The following TET3 variants were observed in gnomAD, a reference collection of about 807,000 sequenced individuals.
TET3 encodes the protein tet methylcytosine dioxygenase 3.
A neutral mutation model predicts 141.4 loss-of-function variants in TET3; 19 were observed. The ratio of observed to expected loss-of-function variants is 0.13; its 90% confidence interval spans 0.09 to 0.20. The LOEUF is 0.20. TET3 is among the 10% of genes least tolerant of loss of function. The pLI, the probability that TET3 is intolerant of heterozygous loss-of-function variation, is 1.00. For missense variants in TET3, 1,874 were observed against 2,356.9 expected, an observed-to-expected ratio of 0.80 and a Z score of 4.24; for synonymous variants, 1,043 against 980.9, an observed-to-expected ratio of 1.06 and a Z score of -1.18.
chr2:74,043,327 A>G (rs72907129), intron 3 of TET3, among the ~76,000 whole-genome samples: 3,413 of 152,288 alleles, frequency 0.022, 138 homozygotes, highest in African/African-American at 0.078. Context: ...GATATATTCC[A>G]TGGCCTGTGG....
At chr2:74,077,035 G>T (rs1689550517) in intron 5 of TET3, among the ~76,000 whole-genome samples, 1 of 152,230 alleles carries the variant, frequency 6.6e-6, no homozygotes, top group Non-Finnish European at 1.5e-5. Flanking sequence ...TGAGACCGGT[G>T]CACAGCACAG....
chr2:74,068,546 CAA>C (rs1026399356), intron 4 of TET3, among the ~76,000 whole-genome samples: 1 of 152,176 alleles, frequency 6.6e-6, no homozygotes, highest in African/African-American at 2.4e-5. Flanking sequence ...CCATTACAAA[CAA>C]TGATATAATG....
chr2:73,984,769 C>G (rs1683909355), upstream of TET3, among the ~76,000 whole-genome samples: 1 of 149,672 alleles, frequency 6.7e-6, no homozygotes, highest in African/African-American at 2.4e-5. This position sits in a 1 kb window ranked among gnomAD's most constrained non-coding sequence, Gnocchi z 5.6. Flanking sequence ...CACCCGACCC[C>G]TCCCCTCCGC....
rs1256866508 is a variant in TET3, at chr2:73,986,337, C to G, written c.-67C>G. 1.6e-6 allele frequency: 2 copies of G among 1,222,942 alleles called. No homozygotes were observed. The highest frequency in any genetic ancestry group is 2.0e-6 in the Non-Finnish European group (2 of 980,208). The allele number at this position is 1,222,942 out of a possible 1,614,324, so 75.8% of individuals were successfully genotyped here. On this transcript the variant is annotated 5_prime_UTR_variant, in exon 2 of 12. Transcript: ENST00000409262. ...TAGGCGAGAAGGACCTGTTGGTGGC[C>G]TTTGGAGGTGGCAGGAAACGACTGT... is the stretch of plus-strand genomic sequence containing the variant.
At chr2:74,023,147 A>G (rs1421072637) in intron 3 of TET3, among the ~76,000 whole-genome samples, 1 of 152,194 alleles carries the variant, frequency 6.6e-6, no homozygotes, top group Non-Finnish European at 1.5e-5. Context: ...TTGAGTAGCA[A>G]GGGGCCAGGA....
At chr2:73,985,187 G>A (rs981978459) in intron 1 of TET3, 30 bp downstream of exon 1, 57 of 145,730 alleles carry the variant, frequency 3.9e-4, no homozygotes, top group African/African-American at 1.3e-3. Context: ...TTCCGGCTCC[G>A]GAGTGGGGGA....
At chr2:74,025,628 T>C (rs1455920522) in intron 3 of TET3, among the ~76,000 whole-genome samples, 4 of 152,156 alleles carry the variant, frequency 2.6e-5, no homozygotes, top group African/African-American at 9.6e-5. Context: ...AATCAGGAAG[T>C]TAATGTGGAT....
At chr2:74,131,650 C>CGGCA in the TET3 span, among the ~76,000 whole-genome samples, 1 of 152,150 alleles carries the variant, frequency 6.6e-6, no homozygotes, top group African/African-American at 2.4e-5. Flanking sequence ...CCCAGTCAGC[C>CGGCA]GGCACCTCAG....
chr2:74,017,215 G>A (rs1180300689), intron 3 of TET3, among the ~76,000 whole-genome samples: 1 of 152,178 alleles, frequency 6.6e-6, no homozygotes, highest in Non-Finnish European at 1.5e-5. Context: ...CTTGAGCTTA[G>A]GAGTTTGAGG....
At chr2:74,017,406 C>T (rs1685787171) in intron 3 of TET3, among the ~76,000 whole-genome samples, 1 of 152,190 alleles carries the variant, frequency 6.6e-6, no homozygotes, top group African/African-American at 2.4e-5. Context: ...CCTGCCCTCC[C>T]CAGCCTCTGA....
Position 74,102,167 on chromosome 2 carries a change from C to T in TET3, c.5379C>T (p.Arg1793=), listed in dbSNP as rs1691261320. The T allele has an allele frequency of 5.5e-6, 8 of 1,444,478 alleles. No homozygotes were observed. Among genetic ancestry groups the T allele is most frequent in the Non-Finnish European group, 7.3e-6 (8 of 1,096,630 alleles). 89.5% of individuals were successfully genotyped at this position (1,444,478 alleles called of 1,614,324 possible). A position where few individuals can be genotyped will look rare whatever the true frequency, so the allele number is the denominator to read the frequency against. ...CGAAGGTCACTGGCCCCTACAGCCGCTGGATCTAGGTGCCAGGGAGCCAGC... is the reference window on the plus strand; with the variant it reads ...CGAAGGTCACTGGCCCCTACAGCCGTTGGATCTAGGTGCCAGGGAGCCAGC... ...AYTKVTGPYS[R]WI The change falls in exon 12 of 12, where the codon CGC becomes CGT. Residue 1793 remains arginine (R), a synonymous_variant. Coordinates refer to ENST00000409262, the MANE Select transcript of TET3 (RefSeq NM_001287491.2).
chr2:74,039,883 A>G (rs150780137), intron 3 of TET3, among the ~76,000 whole-genome samples: 29 of 152,330 alleles, frequency 1.9e-4, no homozygotes, highest in Non-Finnish European at 3.4e-4. Flanking sequence ...AGAACCAGGC[A>G]GAAGCTGAAT....
Position 74,100,902 on chromosome 2 carries a change from G to C in TET3, c.4114G>C (p.Ala1372Pro). ...CCCCAAGGAGTATCTGCTTCCCAAG[G>C]CCCCCCTACTCCACTCAGTGTCCAG... is the stretch of plus-strand genomic sequence containing the variant. ...PGPKEYLLPKAPLLHSVSRDP... is the reference protein window; with the variant it reads ...PGPKEYLLPKPPLLHSVSRDP... Residue 1372 changes from alanine to proline, a missense_variant, in exon 12 of 12, where the codon GCC (alanine) becomes CCC (proline). By Grantham distance (27) the Ala-to-Pro change is conservative. Transcript: ENST00000409262. 6.2e-7 allele frequency: 1 copy of C among 1,609,914 alleles called. No homozygotes were observed. Among genetic ancestry groups the C allele is most frequent in the East Asian group, 2.2e-5 (1 of 44,716 alleles).
chr2:74,002,163 G>A (rs186635281), intron 2 of TET3, among the ~76,000 whole-genome samples: 4 of 152,310 alleles, frequency 2.6e-5, no homozygotes, highest in Admixed American at 1.3e-4. Flanking sequence ...CTGTTTCCTA[G>A]CCGCATCACC....
the TET3 span, among the ~76,000 whole-genome samples, chr2:74,131,320 C>G: frequency 6.6e-6 from 1 of 152,148 alleles, no homozygotes; most frequent in Non-Finnish European, 1.5e-5. Context: ...CCGCACTTCC[C>G]GATTTGGATT....
At chr2:74,112,762 G>A (rs1278704546), downstream of TET3, among the ~76,000 whole-genome samples, 1 of 152,090 alleles carries the variant, frequency 6.6e-6, no homozygotes, top group African/African-American at 2.4e-5. Flanking sequence ...CAGCACTTTG[G>A]GAGGCTGAGG....
intron 2 of TET3, among the ~76,000 whole-genome samples, chr2:73,996,116 G>A (rs1372771900): frequency 6.6e-6 from 1 of 152,164 alleles, no homozygotes; most frequent in Non-Finnish European, 1.5e-5. Context: ...GGTCCTGCCA[G>A]AGTTGTCCTC....
At chr2:74,053,541 G>T (rs1304020827) in intron 4 of TET3, among the ~76,000 whole-genome samples, 2 of 152,192 alleles carry the variant, frequency 1.3e-5, no homozygotes, top group South Asian at 2.1e-4. Flanking sequence ...CACAGCAAAA[G>T]CAAGAGGTTA....
At chr2:74,032,442 GGTGTGTCTCTGTGT>G (rs1320119165) in intron 3 of TET3, among the ~76,000 whole-genome samples, 1 of 94,800 alleles carries the variant, frequency 1.1e-5, no homozygotes, top group African/African-American at 5.8e-5. Context: ...CTGCAAGAGG[GGTGTGTCTCTGTGT>G]GTGTGTGTGT....
Sources: gnomAD v4.1 joint callset for allele counts (sites outside exome capture counted in the v4.1 genomes callset) on GRCh38, gnomAD v4.1.1 for gene constraint, Gnocchi (gnomAD v3.1) non-coding constraint, MANE v1.5 for transcripts, NCBI Gene and HGNC (gene_info 2026-07-23, HGNC 2026-07-21) for gene names.